DAB1: variants seen among roughly 807,000 people sequenced by gnomAD.
The protein encoded by DAB1 is disabled homolog 1.
A neutral mutation model predicts 64.6 loss-of-function variants in DAB1; 15 were observed. The observed-to-expected ratio is 0.23, with a 90% CI of 0.16 to 0.36. The LOEUF (loss-of-function observed/expected upper bound fraction) is 0.36, where lower values mean the gene tolerates loss of function less well. Ranked by LOEUF, DAB1 falls within the 10% of genes least tolerant of loss-of-function variation. The pLI, the probability that DAB1 is intolerant of heterozygous loss-of-function variation, is 1.00. For synonymous variants in DAB1, 235 were observed against 251.9 expected (o/e 0.93, Z 0.64); for missense variants, 596 against 706.7 (o/e 0.84, Z 1.78).
intron 4 of DAB1, among the ~76,000 whole-genome samples, chr1:58,220,715 G>A (rs923514877): frequency 6.6e-6 from 1 of 151,996 alleles, no homozygotes; most frequent in Non-Finnish European, 1.5e-5. Context: ...AATTTAAAAT[G>A]GAGATAATGT....
At chr1:57,303,774 A>G (rs1673880463) in intron 1 of DAB1, among the ~76,000 whole-genome samples, 1 of 152,234 alleles carries the variant, frequency 6.6e-6, no homozygotes, top group Non-Finnish European at 1.5e-5. Context: ...AATCCTGTGC[A>G]GTGGGAACAA....
At chr1:57,261,956 C>T (rs886114699) in intron 2 of DAB1, among the ~76,000 whole-genome samples, 2 of 152,156 alleles carry the variant, frequency 1.3e-5, no homozygotes, top group Admixed American at 6.5e-5. Flanking sequence ...AGTACCTGCA[C>T]TGGGCCAATG....
At chr1:57,695,393 A>AAAAGAAAG (rs796550775) in intron 6 of DAB1, among the ~76,000 whole-genome samples, 3 of 79,132 alleles carry the variant, frequency 3.8e-5, no homozygotes, top group East Asian at 1.3e-3. Context: ...AGAAAGAAAG[A>AAAAGAAAG]AAGAAAGAAA....
chr1:58,488,601 G>C (rs1645617531), intron 3 of DAB1, among the ~76,000 whole-genome samples: 2 of 152,284 alleles, frequency 1.3e-5, no homozygotes, highest in South Asian at 4.1e-4. Flanking sequence ...ACAGGCATGA[G>C]CCACCATGTC....
intron 2 of DAB1, among the ~76,000 whole-genome samples, chr1:57,166,467 G>T (rs765126139): frequency 6.6e-6 from 1 of 152,144 alleles, no homozygotes; most frequent in Non-Finnish European, 1.5e-5. Context: ...ACTGAAACAA[G>T]TAATCAAGGT....
intron 4 of DAB1, among the ~76,000 whole-genome samples, chr1:57,080,774 A>ACACACC (rs1325322323): frequency 2.6e-5 from 4 of 151,744 alleles, no homozygotes; most frequent in African/African-American, 9.7e-5. Flanking sequence ...ACACACACAC[A>ACACACC]CCTTAAATAA....
intron 7 of DAB1, among the ~76,000 whole-genome samples, chr1:57,560,260 A>C (rs1227117587): frequency 2.0e-5 from 3 of 152,204 alleles, no homozygotes; most frequent in South Asian, 2.1e-4. Flanking sequence ...GAGCTTGATC[A>C]CTTTTTGCTT....
intron 7 of DAB1, among the ~76,000 whole-genome samples, chr1:57,453,157 G>T (rs541435479): frequency 1.3e-5 from 2 of 151,608 alleles, no homozygotes; most frequent in African/African-American, 4.9e-5. Flanking sequence ...AGAGATGAAA[G>T]TTATGTCTGT....
At chr1:57,594,631 A>C (rs937105947) in intron 7 of DAB1, among the ~76,000 whole-genome samples, 2 of 152,158 alleles carry the variant, frequency 1.3e-5, no homozygotes, top group African/African-American at 4.8e-5. Flanking sequence ...ACCCAGGAAA[A>C]ATGATTTCTT....
chr1:58,334,300 T>C (rs1299030741), intron 4 of DAB1, among the ~76,000 whole-genome samples: 1 of 152,094 alleles, frequency 6.6e-6, no homozygotes, highest in Non-Finnish European at 1.5e-5. Flanking sequence ...AATATATATG[T>C]ATATATATGT....
At chr1:58,120,783 G>A (rs957643092) in intron 5 of DAB1, among the ~76,000 whole-genome samples, 21 of 152,222 alleles carry the variant, frequency 1.4e-4, no homozygotes, top group African/African-American at 4.6e-4. Context: ...CCTCACCTGC[G>A]GCCACATCAA....
chr1:57,319,354 A>G (rs1464796635), intron 1 of DAB1, among the ~76,000 whole-genome samples: 1 of 151,590 alleles, frequency 6.6e-6, no homozygotes, highest in Non-Finnish European at 1.5e-5. Context: ...AGCTGCAAAC[A>G]TGAACAAATC....
intron 1 of DAB1, among the ~76,000 whole-genome samples, chr1:57,362,150 T>C (rs543378826): frequency 4.6e-5 from 7 of 152,304 alleles, no homozygotes; most frequent in African/African-American, 1.7e-4. Flanking sequence ...ATACCCCAGA[T>C]TGGTTCTCAT....
chr1:57,839,695 A>G (rs1438712444), intron 1 of DAB1, among the ~76,000 whole-genome samples: 2 of 152,214 alleles, frequency 1.3e-5, no homozygotes, highest in Non-Finnish European at 2.9e-5. Flanking sequence ...CAGTGTACAC[A>G]GCTGTGAAGG....
intron 3 of DAB1, among the ~76,000 whole-genome samples, chr1:58,448,715 C>A (rs1318905384): frequency 6.6e-6 from 1 of 152,066 alleles, no homozygotes; most frequent in Non-Finnish European, 1.5e-5. Flanking sequence ...ACTAGGGATC[C>A]CATTAATGTC....
intron 6 of DAB1, among the ~76,000 whole-genome samples, chr1:57,752,323 C>A (rs556927024): frequency 1.3e-5 from 2 of 152,134 alleles, no homozygotes; most frequent in Non-Finnish European, 2.9e-5. Context: ...ATATATACAC[C>A]TGTCAAGATA....
chr1:58,374,578 T>C (rs1644304745), intron 3 of DAB1, among the ~76,000 whole-genome samples: 2 of 145,234 alleles, frequency 1.4e-5, no homozygotes, highest in Middle Eastern at 7.4e-3. Flanking sequence ...TTTTGGTTAC[T>C]GTAGCCTTGT....
chr1:57,301,412 G>A (rs771670960), intron 1 of DAB1, among the ~76,000 whole-genome samples: 2 of 152,276 alleles, frequency 1.3e-5, no homozygotes, highest in African/African-American at 4.8e-5. Context: ...TACCAGCCAG[G>A]TGAGGGGAGG....
intron 5 of DAB1, among the ~76,000 whole-genome samples, chr1:58,124,871 G>A (rs569552007): frequency 1.3e-5 from 2 of 152,272 alleles, no homozygotes; most frequent in South Asian, 4.1e-4. Flanking sequence ...AATGTACCCA[G>A]TACATGCTAA....
Sources: gnomAD v4.1 joint callset for allele counts (sites outside exome capture counted in the v4.1 genomes callset) on GRCh38, gnomAD v4.1.1 for gene constraint, MANE v1.5 for transcripts, NCBI Gene and HGNC (gene_info 2026-07-23, HGNC 2026-07-21) for gene names.